Variants in PDE4D observed in about 807,000 individuals in gnomAD.
PDE4D encodes the protein phosphodiesterase 4D.
Under a neutral mutation model 87.4 loss-of-function variants are expected in PDE4D, and 24 were observed. The observed-to-expected ratio is 0.27, with a 90% CI of 0.20 to 0.39. The LOEUF is 0.39. Among genes scored for constraint, PDE4D ranks in the 10% least tolerant of loss-of-function variants. The pLI is 1.00. For synonymous variants in PDE4D, 384 were observed against 383.2 expected, an observed-to-expected ratio of 1.00 and a Z score of -0.02; for missense variants, 714 against 1,041.0, an observed-to-expected ratio of 0.69 and a Z score of 4.32.
chr5:59,556,897 G>A (rs910907778), intron 1 of PDE4D, among the ~76,000 whole-genome samples: 1 of 152,150 alleles, frequency 6.6e-6, no homozygotes, highest in Non-Finnish European at 1.5e-5. Flanking sequence ...AAGGAAGAAA[G>A]GGAGGGTGGC....
chr5:59,044,304 C>T (rs1479379424), intron 5 of PDE4D, among the ~76,000 whole-genome samples: 1 of 152,114 alleles, frequency 6.6e-6, no homozygotes, highest in Non-Finnish European at 1.5e-5. Flanking sequence ...CTCTGATGGC[C>T]AGTCATGATG....
rs56258601 is a variant in PDE4D, at chr5:59,890,254, TACACACACACACAC to T, written c.455+2900_455+2913del. Among the ~76,000 whole-genome samples, 349 of 145,458 alleles carry T rather than the reference TACACACACACACAC, an allele frequency of 2.4e-3. 1 individual carries two copies. The highest frequency in any genetic ancestry group is 7.4e-3 in the African/African-American group (295 of 39,744). On this transcript the variant is annotated intron_variant, in intron 1 of 14. Transcript: ENST00000340635. ...TGATGGTAAGATGGTGGTGCGCACG[TACACACACACACAC>T]ACACACACACACACACACACACACA...
At position 59,207,168 on chromosome 5, in the gene PDE4D, T is replaced by C. The variant is rs143631472; in HGVS notation, c.647+8609A>G. Among the ~76,000 whole-genome samples, 651 of 151,932 alleles carry C rather than the reference T, an allele frequency of 4.3e-3. 3 individuals are homozygous for C. The highest frequency in any genetic ancestry group is 0.015 in the African/African-American group (627 of 41,424). ...TGCTGCACTCCAGCCTGGGCAATAATAGAGTGAGACTCTGTCTCAAAAGAA... is the reference window on the plus strand; with the variant it reads ...TGCTGCACTCCAGCCTGGGCAATAACAGAGTGAGACTCTGTCTCAAAAGAA... On this transcript the variant is annotated intron_variant, in intron 2 of 14. Transcript: ENST00000340635.
chr5:59,606,188 T>C (rs1255706514), intron 1 of PDE4D, among the ~76,000 whole-genome samples: 4 of 152,078 alleles, frequency 2.6e-5, no homozygotes, highest in Non-Finnish European at 5.9e-5. Flanking sequence ...ATAAATTCTG[T>C]ATTTGTATGT....
intron 1 of PDE4D, among the ~76,000 whole-genome samples, chr5:60,428,443 C>T (rs558812135): frequency 4.0e-5 from 6 of 151,882 alleles, no homozygotes; most frequent in Non-Finnish European, 8.8e-5. Flanking sequence ...TAGTGGAATT[C>T]ACTCAATAAA....
intron 1 of PDE4D, among the ~76,000 whole-genome samples, chr5:59,253,857 G>C (rs1379036821): frequency 6.6e-6 from 1 of 152,008 alleles, no homozygotes; most frequent in African/African-American, 2.4e-5. Context: ...GATGTCATAG[G>C]AGTGTTGAAT....
chr5:59,791,707 T>C (rs1035370804), intron 1 of PDE4D, among the ~76,000 whole-genome samples: 3 of 152,172 alleles, frequency 2.0e-5, no homozygotes, highest in Admixed American at 6.5e-5. Flanking sequence ...ATAAGCAATA[T>C]GAAATAAATT....
At position 60,198,769 on chromosome 5, in the gene PDE4D, A is replaced by T. The variant is rs562360899; in HGVS notation, c.-89-13082T>A. 5.9e-5 allele frequency among the ~76,000 whole-genome samples: 9 copies of T among 151,774 alleles called. No individual in the cohort carries two copies. The East Asian group carries it at 1.7e-3, about 29-fold the overall frequency. ...GATAGGGGAGCTCAAAATTTATTGTATAACCTGGTGGCATAGTGAGAAGCC... is the reference window on the plus strand; with the variant it reads ...GATAGGGGAGCTCAAAATTTATTGTTTAACCTGGTGGCATAGTGAGAAGCC... On this transcript the variant is annotated intron_variant, in intron 1 of 16. Coordinates refer to the PDE4D transcript ENST00000502484.
intron 1 of PDE4D, among the ~76,000 whole-genome samples, chr5:60,465,111 AAAAT>A (rs1476013864): frequency 3.3e-5 from 5 of 151,996 alleles, no homozygotes; most frequent in Admixed American, 6.5e-5. Flanking sequence ...CATCTTTAAA[AAAAT>A]AAATAAATAA....
intron 1 of PDE4D, among the ~76,000 whole-genome samples, chr5:59,754,533 T>C (rs541885209): frequency 6.6e-6 from 1 of 152,238 alleles, no homozygotes; most frequent in South Asian, 2.1e-4. Flanking sequence ...ATCATGAAAT[T>C]TGTAATATTT....
intron 2 of PDE4D, among the ~76,000 whole-genome samples, chr5:59,197,637 T>C (rs1745758711): frequency 6.6e-6 from 1 of 152,212 alleles, no homozygotes; most frequent in South Asian, 2.1e-4. Flanking sequence ...CCTATTTTTA[T>C]TTGTGGTTAG....
At chr5:60,235,210 C>T (rs1295969629) in intron 1 of PDE4D, among the ~76,000 whole-genome samples, 1 of 151,866 alleles carries the variant, frequency 6.6e-6, no homozygotes, top group Admixed American at 6.6e-5. Flanking sequence ...ATTCTGCTGA[C>T]TAAACCTCTA....
chr5:60,064,782 C>T (rs1218036734), intron 2 of PDE4D, among the ~76,000 whole-genome samples: 2 of 152,040 alleles, frequency 1.3e-5, no homozygotes, highest in Non-Finnish European at 2.9e-5. Context: ...ATTTCAAAAC[C>T]CTTCAGTTAT....
rs530765007 is a variant in PDE4D at position 59,446,945 on chromosome 5, A to G, written c.456-230977T>C. Among the ~76,000 whole-genome samples, 6 of 152,356 alleles carry G rather than the reference A, an allele frequency of 3.9e-5. No homozygotes were observed. In the East Asian group the frequency reaches 9.6e-4, roughly 24 times the overall value. On this transcript the variant is annotated intron_variant, in intron 1 of 14. Coordinates refer to ENST00000340635, the MANE Select transcript of PDE4D (RefSeq NM_001104631.2). ...TAAAATGTCTCATCAGAAATAATGA[A>G]AAATAGTTATCGCTTTCACATTCCT... is the stretch of plus-strand genomic sequence containing the variant.
At chr5:59,794,890 C>G (rs1293236052) in intron 1 of PDE4D, among the ~76,000 whole-genome samples, 3 of 152,124 alleles carry the variant, frequency 2.0e-5, no homozygotes, top group African/African-American at 7.2e-5. Flanking sequence ...GGCAGCATGG[C>G]TCTTCTCCAG....
chr5:60,064,683 G>T (rs1399481766), intron 2 of PDE4D, among the ~76,000 whole-genome samples: 4 of 152,120 alleles, frequency 2.6e-5, no homozygotes, highest in Non-Finnish European at 5.9e-5. Flanking sequence ...TAAACAAGTT[G>T]CATGTGAAAT....
intron 2 of PDE4D, among the ~76,000 whole-genome samples, chr5:60,173,007 G>A (rs925665366): frequency 3.3e-5 from 5 of 152,174 alleles, no homozygotes; most frequent in African/African-American, 1.2e-4. Flanking sequence ...GTCATAGAGT[G>A]CAAAAGTATC....
intron 1 of PDE4D, among the ~76,000 whole-genome samples, chr5:59,417,947 A>C (rs1484264014): frequency 2.0e-5 from 3 of 152,208 alleles, no homozygotes; most frequent in African/African-American, 7.2e-5. Flanking sequence ...CAATAACAAC[A>C]AAACGCTTTA....
intron 1 of PDE4D, among the ~76,000 whole-genome samples, chr5:60,400,924 G>A (rs765708678): frequency 6.6e-6 from 1 of 152,116 alleles, no homozygotes; most frequent in Non-Finnish European, 1.5e-5. Flanking sequence ...AGTTTGCTTC[G>A]TGCACAAATT....
Sources: gnomAD v4.1 joint callset for allele counts (sites outside exome capture counted in the v4.1 genomes callset) on GRCh38, gnomAD v4.1.1 for gene constraint, MANE v1.5 for transcripts, NCBI Gene and HGNC (gene_info 2026-07-23, HGNC 2026-07-21) for gene names.